Variants in DZANK1 observed in about 807,000 individuals in gnomAD.
DZANK1 encodes double zinc ribbon and ankyrin repeat-containing protein 1.
DZANK1 carries 91 observed loss-of-function variants against 94.5 expected under a neutral mutation model. That is an observed-to-expected ratio of 0.96 (90% CI 0.81 to 1.15). DZANK1 has a LOEUF of 1.15. Among genes scored for constraint, DZANK1 ranks in the 50% most tolerant of loss-of-function variants. DZANK1 has a pLI of 0.00. For missense variants in DZANK1, 903 were observed against 916.4 expected (o/e 0.99, Z 0.19); for synonymous variants, 312 against 325.3 (o/e 0.96, Z 0.44).
intron 4 of DZANK1, 42 bp from the exon 5 acceptor site, chr20:18,453,869 C>A: frequency 8.4e-7 from 1 of 1,195,492 alleles, no homozygotes; most frequent in South Asian, 1.2e-5. Flanking sequence ...TGGTTATTCC[C>A]ATGTGAGAAT....
intron 8 of DZANK1, among the ~76,000 whole-genome samples, chr20:18,435,818 T>A (rs1001716451): frequency 1.3e-5 from 2 of 151,668 alleles, no homozygotes; most frequent in Non-Finnish European, 2.9e-5. Flanking sequence ...TTTGTTTCTT[T>A]ACTTCTCTAA....
exon 21 of DZANK1, chr20:18,383,664 A>ATCTAACTCTGCACAAT (rs1313789755): frequency 2.0e-5 from 3 of 152,262 alleles, no homozygotes; most frequent in Non-Finnish European, 4.4e-5. Context: ...GTATGTGCAT[A>ATCTAACTCTGCACAAT]TCTAACTCTG....
intron 10 of DZANK1, among the ~76,000 whole-genome samples, chr20:18,423,600 A>T (rs1352320130): frequency 6.6e-6 from 1 of 152,220 alleles, no homozygotes; most frequent in Non-Finnish European, 1.5e-5. Context: ...TTAATTTAAA[A>T]TAACTGAAAT....
rs1241293875 is a variant in DZANK1, at chr20:18,412,903, A to G, written c.1243-68T>C. 5 of 1,491,276 alleles carry G rather than the reference A, an allele frequency of 3.4e-6. No individual in the cohort carries two copies. The African/African-American group carries it at 7.1e-5, about 21-fold the overall frequency. The allele number at this position is 1,491,276 out of a possible 1,614,324, so 92.4% of individuals were successfully genotyped here. A position where few individuals can be genotyped will look rare whatever the true frequency, so the allele number is the denominator to read the frequency against. On this transcript the variant is annotated intron_variant, in intron 12 of 20. Coordinates refer to ENST00000262547, the Ensembl canonical transcript of DZANK1. ...TTAAAATTAGAATATAATTTAATCA[A>G]TCTTGCATTTTACTTATAGAAAACA...
chr20:18,452,406 A>G (rs985875207), intron 6 of DZANK1, among the ~76,000 whole-genome samples: 1 of 152,192 alleles, frequency 6.6e-6, no homozygotes, highest in Non-Finnish European at 1.5e-5. Context: ...CTGTTTATTT[A>G]CTTAAAATTA....
chr20:18,442,445 T>C (rs891835820), intron 8 of DZANK1, among the ~76,000 whole-genome samples: 7 of 152,262 alleles, frequency 4.6e-5, no homozygotes, highest in African/African-American at 1.7e-4. Flanking sequence ...TCTGTTTTTA[T>C]TTAAAATCGA....
intron 10 of DZANK1, among the ~76,000 whole-genome samples, chr20:18,417,034 C>CAAAAAAAAAAA (rs55889297): frequency 2.9e-5 from 4 of 139,924 alleles, no homozygotes; most frequent in East Asian, 2.1e-4. Flanking sequence ...CAAAAAAAAA[C>CAAAAAAAAAAA]AAAAAAAAAA....
chr20:18,398,580 A>G, exon 14 of DZANK1: 3 of 1,613,964 alleles, frequency 1.9e-6, no homozygotes, highest in Non-Finnish European at 2.5e-6. Context: ...TCTGAGCATA[A>G]CACCTGAGGT....
chr20:18,460,160 C>T (rs777416096), exon 3 of DZANK1: 1 of 1,536,724 alleles, frequency 6.5e-7, no homozygotes, highest in Admixed American at 1.7e-5. Context: ...TACTTAGAGA[C>T]AGCAATAGCT....
At chr20:18,430,542 C>T (rs1391759471) in intron 9 of DZANK1, among the ~76,000 whole-genome samples, 3 of 152,182 alleles carry the variant, frequency 2.0e-5, no homozygotes, top group Admixed American at 1.3e-4. Flanking sequence ...AGGCCAGGTG[C>T]GGTGGCCCAC....
chr20:18,410,075 G>A (rs991964765), intron 13 of DZANK1, among the ~76,000 whole-genome samples: 1 of 147,508 alleles, frequency 6.8e-6, no homozygotes, highest in African/African-American at 2.5e-5. Context: ...TAAGAGCAAA[G>A]CTTCATTGGG....
chr20:18,417,807 C>T (rs570893803), intron 10 of DZANK1, among the ~76,000 whole-genome samples: 51 of 152,174 alleles, frequency 3.4e-4, no homozygotes, highest in African/African-American at 9.9e-4. Flanking sequence ...GATAATAGGC[C>T]GGGTGTGGTG....
chr20:18,384,698 G>A, intron 20 of DZANK1, 134 bp from the exon 21 acceptor site: 1 of 960,380 alleles, frequency 1.0e-6, no homozygotes. Flanking sequence ...TCCCCAAGAG[G>A]TCACAGTGAC....
chr20:18,433,711 C>A (rs578058743), exon 9 of DZANK1: 1 of 1,614,068 alleles, frequency 6.2e-7, no homozygotes, highest in Admixed American at 1.7e-5. Flanking sequence ...TCACACACCA[C>A]ACAGATGGGA....
At chr20:18,389,757 A>G in exon 19 of DZANK1, 10 of 1,613,874 alleles carry the variant, frequency 6.2e-6, no homozygotes, top group Non-Finnish European at 8.5e-6. Context: ...GAATCGCTTC[A>G]TGGTGCTTAT....
intron 10 of DZANK1, among the ~76,000 whole-genome samples, chr20:18,422,779 G>A (rs923626092): frequency 6.9e-6 from 1 of 145,842 alleles, no homozygotes; most frequent in Non-Finnish European, 1.5e-5. Flanking sequence ...CTCAGGAAGT[G>A]TGATGTCTCT....
At chr20:18,432,313 C>G (rs2058317921) in intron 9 of DZANK1, among the ~76,000 whole-genome samples, 1 of 152,138 alleles carries the variant, frequency 6.6e-6, no homozygotes, top group Non-Finnish European at 1.5e-5. Context: ...ATTTGCTGTG[C>G]TTGACAGAAC....
intron 10 of DZANK1, among the ~76,000 whole-genome samples, chr20:18,426,172 G>A (rs533213845): frequency 6.6e-6 from 1 of 152,152 alleles, no homozygotes; most frequent in Non-Finnish European, 1.5e-5. Context: ...GGCAGCATTC[G>A]ATTCTCATAG....
exon 21 of DZANK1, chr20:18,384,425 T>C: frequency 6.2e-7 from 1 of 1,611,824 alleles, no homozygotes; most frequent in Non-Finnish European, 8.5e-7. Context: ...CTGAGGCTCC[T>C]AGTTTGAGCG....
Sources: gnomAD v4.1 joint callset for allele counts (sites outside exome capture counted in the v4.1 genomes callset) on GRCh38, gnomAD v4.1.1 for gene constraint, MANE v1.5 for transcripts, NCBI Gene and HGNC (gene_info 2026-07-23, HGNC 2026-07-21) for gene names.